Variants in PIP5KL1 observed in about 807,000 individuals in gnomAD.
The protein encoded by PIP5KL1 is phosphatidylinositol 4-phosphate 5-kinase-like protein 1.
In PIP5KL1, 45 loss-of-function variants were observed where a neutral mutation model predicts 47.6. That is an observed-to-expected ratio of 0.94 (90% CI 0.74 to 1.21). PIP5KL1 has a LOEUF of 1.21. PIP5KL1 is among the 50% of genes most tolerant of loss of function. The pLI is 0.00. For synonymous variants in PIP5KL1, 256 were observed against 234.6 expected (o/e 1.09, Z -0.84); for missense variants, 577 against 547.6 (o/e 1.05, Z -0.54).
intron 9 of PIP5KL1, among the ~76,000 whole-genome samples, chr9:127,923,334 C>A (rs1164838560): frequency 6.6e-6 from 1 of 152,178 alleles, no homozygotes; most frequent in East Asian, 1.9e-4. Flanking sequence ...ATGCTGGTAC[C>A]CTGTGGGCTA....
chr9:127,929,820 C>A lies in PIP5KL1; in HGVS notation c.96G>T (p.Trp32Cys), dbSNP rs748809379. 10 of 1,549,080 alleles carry A rather than the reference C, an allele frequency of 6.5e-6. No individual in the cohort carries two copies. Among genetic ancestry groups the A allele is most frequent in the Non-Finnish European group, 8.7e-6 (10 of 1,147,138 alleles). Residue 32 changes from tryptophan to cysteine, a missense_variant, in exon 2 of 10, where the codon TGG becomes TGT. Transcript: ENST00000388747. The surrounding 1 kb of genome is among the most constrained non-coding windows in gnomAD (Gnocchi z 4.0). ...GGCGAGACTGCTTGTCTCGGAGGCGCCAGAGAAGCCCCCGCCGGCTGGAGG... is the reference window on the plus strand; with the variant it reads ...GGCGAGACTGCTTGTCTCGGAGGCGACAGAGAAGCCCCCGCCGGCTGGAGG... ...AVTSSRRGLL[W>C]RLRDKQSRLG...
intron 3 of PIP5KL1, 60 bp from the exon 4 acceptor site, chr9:127,928,279 G>T: frequency 6.5e-7 from 1 of 1,534,406 alleles, no homozygotes; most frequent in South Asian, 1.2e-5. Flanking sequence ...TGTGCAGTTG[G>T]TCCTGGGACA....
chr9:127,925,006 T>C (rs1831339716), intron 9 of PIP5KL1, 101 bp downstream of exon 9: 14 of 1,472,232 alleles, frequency 9.5e-6, no homozygotes, highest in African/African-American at 1.4e-5. Context: ...AGCCTTCATG[T>C]CTTTGGCTGC....
chr9:127,927,961 C>T lies in PIP5KL1; in HGVS notation c.434+104G>A. On this transcript the variant is annotated intron_variant, in intron 4 of 9. Transcript: ENST00000388747. The surrounding 1 kb of genome is among the most constrained non-coding windows in gnomAD (Gnocchi z 5.5). ...GGCCCTGACCCTCCCAGATTAGGGC[C>T]GCTCTGTTTCTCTCTTCAGGGGGCC... 1.4e-6 allele frequency: 2 copies of T among 1,443,968 alleles called. No homozygotes were observed. Among genetic ancestry groups the T allele is most frequent in the African/African-American group, 2.9e-5 (2 of 69,430 alleles). The allele number at this position is 1,443,968 out of a possible 1,614,324, so 89.4% of individuals were successfully genotyped here.
chr9:127,927,169 C>T lies in PIP5KL1; in HGVS notation c.634G>A (p.Gly212Ser). 6.2e-7 allele frequency: 1 copy of T among 1,611,536 alleles called. No homozygotes were observed. Among genetic ancestry groups the T allele is most frequent in the South Asian group, 1.1e-5 (1 of 90,838 alleles). Residue 212 changes from glycine (G) to serine (S), a missense_variant, in exon 7 of 10, where the codon GGC becomes AGC. Coordinates refer to ENST00000388747, the MANE Select transcript of PIP5KL1 (RefSeq NM_001135219.2). This position sits in a 1 kb window ranked among gnomAD's most constrained non-coding sequence, Gnocchi z 5.5. ...GCCACTCACCTCTCGGAGATGCGGC[C>T]GGCGGGGTAGAAGACGCTCTGCATG... is the stretch of plus-strand genomic sequence containing the variant. ...IVMQSVFYPA[G>S]RISERYDIKG...
chr9:127,927,855 G>A lies in PIP5KL1; in HGVS notation c.435-83C>T. 2 of 1,507,760 alleles carry A rather than the reference G, an allele frequency of 1.3e-6. No individual in the cohort carries two copies. The highest frequency in any genetic ancestry group is 2.5e-5 in the East Asian group (1 of 40,282). 93.4% of individuals were successfully genotyped at this position (1,507,760 alleles called of 1,614,324 possible). On this transcript the variant is annotated intron_variant, in intron 4 of 9. Transcript: ENST00000388747. The surrounding 1 kb of genome is among the most constrained non-coding windows in gnomAD (Gnocchi z 5.5). ...GCCCCCTTCCCCGACCTGTGCACGT[G>A]GATCTCGCTCCCAGGTCTCGGCACC...
rs776709593 is a variant in PIP5KL1, at chr9:127,926,024, A to G, written c.651-45T>C. 2.8e-6 allele frequency: 4 copies of G among 1,414,892 alleles called. No individual in the cohort carries two copies. The African/African-American group carries it at 4.2e-5, about 15-fold the overall frequency. The allele number at this position is 1,414,892 out of a possible 1,614,324, so 87.6% of individuals were successfully genotyped here. A position where few individuals can be genotyped will look rare whatever the true frequency, so the allele number is the denominator to read the frequency against. ...TCAGCTTTACATAGATTTGAGACAC[A>G]GAGAGAATCTCACAAGAGCTTCCAG... On this transcript the variant is annotated intron_variant, in intron 7 of 9. Coordinates refer to ENST00000388747, the MANE Select transcript of PIP5KL1 (RefSeq NM_001135219.2).
At position 127,927,035 on chromosome 9, in the gene PIP5KL1, T is replaced by C. The variant is rs1029821628; in HGVS notation, c.650+118A>G. The C allele has an allele frequency of 4.1e-6, 5 of 1,230,660 alleles. No individual in the cohort carries two copies. Among genetic ancestry groups the C allele is most frequent in the Middle Eastern group, 2.6e-4 (1 of 3,814 alleles). 76.2% of individuals were successfully genotyped at this position (1,230,660 alleles called of 1,614,324 possible). A position where few individuals can be genotyped will look rare whatever the true frequency, so the allele number is the denominator to read the frequency against. ...GTCACTGTCTCTGACCCACCAGATC[T>C]TGGGAACGCCCCTTCTCCTTCCTGG... On this transcript the variant is annotated intron_variant, in intron 7 of 9. Coordinates refer to ENST00000388747, the MANE Select transcript of PIP5KL1 (RefSeq NM_001135219.2). This position sits in a 1 kb window ranked among gnomAD's most constrained non-coding sequence, Gnocchi z 5.5.
rs1394951353 is a variant in PIP5KL1 at position 127,929,131 on chromosome 9, G to A, written c.228+557C>T. On this transcript the variant is annotated intron_variant, in intron 2 of 9. Coordinates refer to ENST00000388747, the MANE Select transcript of PIP5KL1 (RefSeq NM_001135219.2). This position sits in a 1 kb window ranked among gnomAD's most constrained non-coding sequence, Gnocchi z 4.0. ...AGTTTGTGATTTAGAGAACTCCCTC[G>A]AGTCTCTACACTTTCCCTGGATCTC... 6.6e-6 allele frequency among the ~76,000 whole-genome samples: 1 copy of A among 151,722 alleles called. No homozygotes were observed. The highest frequency in any genetic ancestry group is 2.4e-5 in the African/African-American group (1 of 41,244).
chr9:127,927,784 G>C lies in PIP5KL1; in HGVS notation c.435-12C>G. On this transcript the variant is annotated splice_polypyrimidine_tract_variant and intron_variant, in intron 4 of 9. Coordinates refer to ENST00000388747, the MANE Select transcript of PIP5KL1 (RefSeq NM_001135219.2). The surrounding 1 kb of genome is among the most constrained non-coding windows in gnomAD (Gnocchi z 5.5). ...AGCGCTGGTCGTGGCTGGGGGGCAAGAGAAAGAGGTCACTGCCCAGGCCTG... is the reference window on the plus strand; with the variant it reads ...AGCGCTGGTCGTGGCTGGGGGGCAACAGAAAGAGGTCACTGCCCAGGCCTG... The C allele has an allele frequency of 1.3e-6, 2 of 1,558,490 alleles. No homozygotes were observed. Among genetic ancestry groups the C allele is most frequent in the Non-Finnish European group, 1.7e-6 (2 of 1,152,684 alleles).
chr9:127,927,870 G>A lies in PIP5KL1; in HGVS notation c.435-98C>T. ...CTGTGCACGTGGATCTCGCTCCCAGGTCTCGGCACCGCCTCTCTCGCCTTC... is the reference window on the plus strand; with the variant it reads ...CTGTGCACGTGGATCTCGCTCCCAGATCTCGGCACCGCCTCTCTCGCCTTC... On this transcript the variant is annotated intron_variant, in intron 4 of 9. Transcript: ENST00000388747. The surrounding 1 kb of genome is among the most constrained non-coding windows in gnomAD (Gnocchi z 5.5). 3 of 1,499,922 alleles carry A rather than the reference G, an allele frequency of 2.0e-6. No homozygotes were observed. Among genetic ancestry groups the A allele is most frequent in the South Asian group, 2.5e-5 (2 of 78,844 alleles). The allele number at this position is 1,499,922 out of a possible 1,614,324, so 92.9% of individuals were successfully genotyped here. A position where few individuals can be genotyped will look rare whatever the true frequency, so the allele number is the denominator to read the frequency against.
At chr9:127,928,329 G>GT in intron 3 of PIP5KL1, 104 bp downstream of exon 3, 1 of 1,539,412 alleles carries the variant, frequency 6.5e-7, no homozygotes, top group Non-Finnish European at 8.8e-7. Flanking sequence ...CAAGGCTCAA[G>GT]TCTCAGGGAC....
rs750189784 is a variant in PIP5KL1 at position 127,928,065 on chromosome 9, G to A, written c.434C>T (p.Ser145Phe). The A allele has an allele frequency of 1.4e-6, 2 of 1,389,528 alleles. No homozygotes were observed. The highest frequency in any genetic ancestry group is 1.5e-5 in the African/African-American group (1 of 67,726). 86.1% of individuals were successfully genotyped at this position (1,389,528 alleles called of 1,614,324 possible). A position where few individuals can be genotyped will look rare whatever the true frequency, so the allele number is the denominator to read the frequency against. ...TGCCCCACCCCTGCCGCAAGCTCAC[G>A]ACAGGAAGAAGCTGGCCTTGCTCTT... ...TSKSKASFFLSHDQRFFLKTQ... is the reference protein window; with the variant it reads ...TSKSKASFFLFHDQRFFLKTQ... The change falls in exon 4 of 10, where the codon TCC becomes TTC. Residue 145 changes from serine to phenylalanine, a missense_variant and splice_region_variant. By Grantham distance (155) the Ser-to-Phe change is radical (BLOSUM62 -2). Transcript: ENST00000388747.
In PIP5KL1 at chr9:127,920,913, G is replaced by A. The variant is rs969240616; in HGVS notation, c.*934C>T. 15 of 152,242 alleles carry A rather than the reference G, an allele frequency of 9.9e-5. No individual in the cohort carries two copies. The highest frequency in any genetic ancestry group is 3.6e-4 in the African/African-American group (15 of 41,460). The allele number at this position is 152,242 out of a possible 1,614,324, so 9.4% of individuals were successfully genotyped here. A position where few individuals can be genotyped will look rare whatever the true frequency, so the allele number is the denominator to read the frequency against. On this transcript the variant is annotated 3_prime_UTR_variant, in exon 10 of 10. Coordinates refer to ENST00000388747, the MANE Select transcript of PIP5KL1 (RefSeq NM_001135219.2). Reference sequence around the variant, plus strand: ...CTCAACAAATATTTAATGAGTTAATGAGGTCTGTTTCCATTCCTTCATTTT... The same window carrying A: ...CTCAACAAATATTTAATGAGTTAATAAGGTCTGTTTCCATTCCTTCATTTT...
Position 127,927,288 on chromosome 9 carries a change from T to C in PIP5KL1, c.594+9A>G, listed in dbSNP as rs1253597357. 6.2e-7 allele frequency: 1 copy of C among 1,611,280 alleles called. No homozygotes were observed. Among genetic ancestry groups the C allele is most frequent in the Non-Finnish European group, 8.5e-7 (1 of 1,179,386 alleles). On this transcript the variant is annotated intron_variant, in intron 6 of 9. Coordinates refer to ENST00000388747, the MANE Select transcript of PIP5KL1 (RefSeq NM_001135219.2). This position sits in a 1 kb window ranked among gnomAD's most constrained non-coding sequence, Gnocchi z 5.5. The stretch of plus-strand genomic sequence containing the variant: ...CTCCGCCCAGCCACCTCGCCTCGGC[T>C]TCACCCACCTTCTTTCCCCGGTCCA...
chr9:127,924,947 T>G (rs1040707591), intron 9 of PIP5KL1, among the ~76,000 whole-genome samples, 160 bp downstream of exon 9: 2 of 151,548 alleles, frequency 1.3e-5, no homozygotes, highest in African/African-American at 2.4e-5. Flanking sequence ...CTCACACATA[T>G]GCACACACGC....
At chr9:127,925,769 T>A in intron 8 of PIP5KL1, 98 bp downstream of exon 8, 1 of 1,080,582 alleles carries the variant, frequency 9.3e-7, no homozygotes, top group South Asian at 1.3e-5. Context: ...CGGCCGAATC[T>A]GGGCTCTTAA....
Position 127,927,738 on chromosome 9 carries a change from G to C in PIP5KL1, c.469C>G (p.Arg157Gly). 6.4e-7 allele frequency: 1 copy of C among 1,557,236 alleles called. No individual in the cohort carries two copies. The highest frequency in any genetic ancestry group is 8.7e-7 in the Non-Finnish European group (1 of 1,151,686). Residue 157 changes from arginine (R) to glycine (G), a missense_variant, in exon 5 of 10, where the codon CGC becomes GGC. Physicochemically the swap from Arg to Gly is moderately radical, Grantham distance 125 (BLOSUM62 -2). Coordinates refer to ENST00000388747, the MANE Select transcript of PIP5KL1 (RefSeq NM_001135219.2). This position sits in a 1 kb window ranked among gnomAD's most constrained non-coding sequence, Gnocchi z 5.5. The stretch of plus-strand genomic sequence containing the variant: ...GCGAGCAGAGCCTGCACCTCTCGGC[G>C]CCCCTGGGTCTTCAGGAAGAAGCGC... ...DQRFFLKTQG[R>G]REVQALLAHL...
rs1831406290 is a variant in PIP5KL1, at chr9:127,929,312, G to A, written c.228+376C>T. ...CTGAGCCAGCCCTGCCTCAGCCTGAGCTCCAGAGAGGATGGGCTAGGCCAG... is the reference window on the plus strand; with the variant it reads ...CTGAGCCAGCCCTGCCTCAGCCTGAACTCCAGAGAGGATGGGCTAGGCCAG... On this transcript the variant is annotated intron_variant, in intron 2 of 9. Transcript: ENST00000388747. This position sits in a 1 kb window ranked among gnomAD's most constrained non-coding sequence, Gnocchi z 4.0. Among the ~76,000 whole-genome samples the A allele has an allele frequency of 6.6e-6, 1 of 152,108 alleles. No homozygotes were observed. The highest frequency in any genetic ancestry group is 2.4e-5 in the African/African-American group (1 of 41,424).
Sources: allele counts gnomAD v4.1 joint callset (sites outside exome capture counted in the v4.1 genomes callset), GRCh38; gene constraint gnomAD v4.1.1; non-coding constraint Gnocchi (gnomAD v3.1); transcripts MANE v1.5; gene names NCBI Gene and HGNC (gene_info 2026-07-23, HGNC 2026-07-21).